Variants in TAFA2 observed in about 807,000 individuals in gnomAD.
TAFA2 encodes TAFA chemokine like family member 2, also known as chemokine-like protein TAFA-2.
TAFA2 carries 7 observed loss-of-function variants against 18.8 expected under a neutral mutation model. That is an observed-to-expected ratio of 0.37 (90% CI 0.21 to 0.70). The LOEUF is 0.70. TAFA2 is among the 30% of genes least tolerant of loss of function. The probability of loss-of-function intolerance (pLI) is 0.53; values close to 1 mark genes in which losing one functional copy is unlikely to be tolerated. For missense variants in TAFA2, 122 were observed against 158.1 expected (o/e 0.77, Z 1.23); for synonymous variants, 60 against 54.2 (o/e 1.11, Z -0.47).
intron 1 of TAFA2, chr12:62,021,492 T>C: frequency 1.8e-6 from 1 of 567,816 alleles, no homozygotes. Flanking sequence ...TTTTTCTGTC[T>C]TTGTACAATA....
At chr12:62,230,383 A>G (rs2062807286) in intron 1 of TAFA2, among the ~76,000 whole-genome samples, 1 of 152,030 alleles carries the variant, frequency 6.6e-6, no homozygotes, top group Non-Finnish European at 1.5e-5. Flanking sequence ...CTTTTACTAG[A>G]TCCCATAGAA....
chr12:61,876,192 C>G (rs1191322116), intron 1 of TAFA2, among the ~76,000 whole-genome samples: 1 of 152,096 alleles, frequency 6.6e-6, no homozygotes, highest in Non-Finnish European at 1.5e-5. Context: ...TTTCTTCAGT[C>G]TATTATCATT....
intron 1 of TAFA2, among the ~76,000 whole-genome samples, chr12:62,148,506 C>T (rs2062303735): frequency 1.3e-5 from 2 of 152,054 alleles, no homozygotes; most frequent in African/African-American, 4.8e-5. Flanking sequence ...TACACACAGA[C>T]ATAAAGTTGG....
chr12:62,068,906 T>C (rs1882558528), intron 1 of TAFA2, among the ~76,000 whole-genome samples: 1 of 152,098 alleles, frequency 6.6e-6, no homozygotes, highest in South Asian at 2.1e-4. Flanking sequence ...GTTACCAACA[T>C]CAATGCCAAC....
chr12:61,974,016 T>C (rs111772583), intron 1 of TAFA2, among the ~76,000 whole-genome samples: 1 of 151,668 alleles, frequency 6.6e-6, no homozygotes, highest in Non-Finnish European at 1.5e-5. Context: ...AACAGGAATG[T>C]GTATTATGTT....
chr12:62,110,612 C>CTTTTTTTTTTTT (rs68008958), intron 1 of TAFA2, among the ~76,000 whole-genome samples: 2 of 104,826 alleles, frequency 1.9e-5, no homozygotes, highest in African/African-American at 3.7e-5. Flanking sequence ...TGGTCCTGGG[C>CTTTTTTTTTTTT]TTTTTTTTTT....
intron 1 of TAFA2, among the ~76,000 whole-genome samples, chr12:62,094,583 A>C (rs887825668): frequency 2.6e-5 from 4 of 152,072 alleles, no homozygotes; most frequent in Non-Finnish European, 5.9e-5. Flanking sequence ...TATAAACCTT[A>C]ATATCATTCC....
intron 4 of TAFA2, among the ~76,000 whole-genome samples, chr12:61,728,319 G>A (rs1386608941): frequency 1.3e-5 from 2 of 151,832 alleles, no homozygotes; most frequent in Admixed American, 6.6e-5. Context: ...GCTGTCAGTG[G>A]AGTATTGAAG....
At chr12:61,851,278 GAAT>G (rs1340916907) in intron 2 of TAFA2, among the ~76,000 whole-genome samples, 1 of 152,166 alleles carries the variant, frequency 6.6e-6, no homozygotes, top group African/African-American at 2.4e-5. Context: ...TAATAGTCAT[GAAT>G]AATGGCCTGA....
chr12:61,929,833 G>T (rs369689203), intron 1 of TAFA2, among the ~76,000 whole-genome samples: 6 of 152,066 alleles, frequency 3.9e-5, no homozygotes, highest in East Asian at 1.9e-4. Flanking sequence ...CCATAAAAAA[G>T]GATGAGTTCA....
intron 1 of TAFA2, among the ~76,000 whole-genome samples, chr12:61,903,647 T>C (rs1436823693): frequency 2.0e-5 from 3 of 152,124 alleles, no homozygotes; most frequent in Non-Finnish European, 2.9e-5. Context: ...AACAAGGCCA[T>C]GTTTTTGTTA....
At chr12:62,076,536 C>T (rs1372283231) in intron 1 of TAFA2, among the ~76,000 whole-genome samples, 1 of 152,126 alleles carries the variant, frequency 6.6e-6, no homozygotes, top group Admixed American at 6.5e-5. Flanking sequence ...ATCTAATGTT[C>T]TCCTCACTAC....
Position 61,877,017 on chromosome 12 carries a change from G to A in TAFA2, c.-1-9591C>T, listed in dbSNP as rs564587113. 2.6e-5 allele frequency among the ~76,000 whole-genome samples: 4 copies of A among 152,272 alleles called. No individual in the cohort carries two copies. The East Asian group carries it at 5.8e-4, about 22-fold the overall frequency. On this transcript the variant is annotated intron_variant, in intron 1 of 4. Transcript: ENST00000416284. The stretch of plus-strand genomic sequence containing the variant: ...ATTACTTCATATACTTTAACGAGCT[G>A]TCTTTGAGGGAAAGGTAGAACATTA...
chr12:61,878,653 T>C (rs912181510), intron 1 of TAFA2, among the ~76,000 whole-genome samples: 1 of 152,212 alleles, frequency 6.6e-6, no homozygotes, highest in Non-Finnish European at 1.5e-5. Flanking sequence ...ATTTTGAGCT[T>C]GGTTGCTCTG....
chr12:61,855,417 G>T (rs1261074455), intron 2 of TAFA2, among the ~76,000 whole-genome samples: 1 of 152,146 alleles, frequency 6.6e-6, no homozygotes, highest in Non-Finnish European at 1.5e-5. Context: ...TCATACATGG[G>T]CTTGTCTATT....
Position 62,069,798 on chromosome 12 carries a change from A to C in TAFA2, c.-2+121461T>G, listed in dbSNP as rs1882581827. Among the ~76,000 whole-genome samples the C allele has an allele frequency of 2.0e-5, 3 of 152,212 alleles. No individual in the cohort carries two copies. The South Asian group carries it at 6.2e-4, about 32-fold the overall frequency. On this transcript the variant is annotated intron_variant, in intron 1 of 4. Transcript: ENST00000416284. ...TGACCAAGCACACTGCTTCACTTCA[A>C]TGTGCATAATCATGGCATGCACCAT...
At chr12:62,137,565 C>T (rs1565756923) in intron 1 of TAFA2, among the ~76,000 whole-genome samples, 1 of 152,030 alleles carries the variant, frequency 6.6e-6, no homozygotes, top group Admixed American at 6.6e-5. Context: ...CATGGTCATC[C>T]ACTGTGCTTG....
intron 1 of TAFA2, chr12:61,879,253 C>T (rs1337783266): frequency 1.3e-5 from 5 of 394,498 alleles, no homozygotes; most frequent in Non-Finnish European, 2.3e-5. Context: ...GAAGCAGCAG[C>T]TTCTCCACTC....
chr12:61,756,692 A>T (rs551303317), intron 2 of TAFA2, among the ~76,000 whole-genome samples: 2 of 152,228 alleles, frequency 1.3e-5, no homozygotes, highest in East Asian at 3.9e-4. Context: ...CTTGAAGAAA[A>T]TACAGTAGAG....
Sources: gnomAD v4.1 joint callset for allele counts (sites outside exome capture counted in the v4.1 genomes callset) on GRCh38, gnomAD v4.1.1 for gene constraint, MANE v1.5 for transcripts, NCBI Gene and HGNC (gene_info 2026-07-23, HGNC 2026-07-21) for gene names.